Variants in KCNQ5 observed in about 807,000 individuals in gnomAD.
KCNQ5 encodes potassium voltage-gated channel subfamily KQT member 5.
KCNQ5 carries 30 observed loss-of-function variants against 98.2 expected under a neutral mutation model. That is an observed-to-expected ratio of 0.31 (90% CI 0.23 to 0.41). The LOEUF is 0.41. KCNQ5 is among the 10% of genes least tolerant of loss of function. The probability of loss-of-function intolerance (pLI) is 1.00; values close to 1 mark genes in which losing one functional copy is unlikely to be tolerated. For missense variants in KCNQ5, 835 were observed against 1,182.5 expected, an observed-to-expected ratio of 0.71 and a Z score of 4.31; for synonymous variants, 458 against 449.4, an observed-to-expected ratio of 1.02 and a Z score of -0.24.
chr6:72,954,408 G>GATA (rs978116477), intron 1 of KCNQ5, among the ~76,000 whole-genome samples: 57 of 152,340 alleles, frequency 3.7e-4, no homozygotes, highest in African/African-American at 1.3e-3. Flanking sequence ...AGCAGTTTGA[G>GATA]ATAACTAAGG....
At chr6:72,732,590 G>C (rs1261237850) in intron 1 of KCNQ5, among the ~76,000 whole-genome samples, 2 of 152,146 alleles carry the variant, frequency 1.3e-5, no homozygotes, top group African/African-American at 4.8e-5. Flanking sequence ...GAAGCCACTG[G>C]GACTAGATCA....
intron 11 of KCNQ5, among the ~76,000 whole-genome samples, chr6:73,171,809 A>C (rs1361494832): frequency 1.3e-5 from 2 of 152,208 alleles, no homozygotes; most frequent in Non-Finnish European, 1.5e-5. Context: ...CCACGAATTA[A>C]TCTGACTTGC....
At chr6:72,736,523 G>A (rs1770847125) in intron 1 of KCNQ5, among the ~76,000 whole-genome samples, 1 of 66,654 alleles carries the variant, frequency 1.5e-5, no homozygotes, top group Non-Finnish European at 2.3e-5. Flanking sequence ...TTTTTGAGAC[G>A]GAGTCTCGCT....
chr6:72,658,667 G>A (rs1265908971), intron 1 of KCNQ5, among the ~76,000 whole-genome samples: 2 of 144,304 alleles, frequency 1.4e-5, no homozygotes, highest in Non-Finnish European at 3.0e-5. Context: ...TGCAACCTCC[G>A]TCTCTCGGGC....
chr6:72,641,828 A>G (rs1041776045), intron 1 of KCNQ5, among the ~76,000 whole-genome samples: 1 of 152,002 alleles, frequency 6.6e-6, no homozygotes, highest in African/African-American at 2.4e-5. Flanking sequence ...GTTGAAGTGT[A>G]CTGTGTGTGC....
chr6:72,930,381 T>C (rs573090413), intron 1 of KCNQ5, among the ~76,000 whole-genome samples: 110 of 152,220 alleles, frequency 7.2e-4, no homozygotes, highest in Middle Eastern at 3.4e-3. Context: ...ACCTCTTAAT[T>C]CCAGAAAGAC....
At chr6:72,688,842 G>A (rs188574039) in intron 1 of KCNQ5, among the ~76,000 whole-genome samples, 92 of 152,132 alleles carry the variant, frequency 6.0e-4, no homozygotes, top group Middle Eastern at 3.4e-3. Flanking sequence ...AAAATTTTTG[G>A]TCTTTTGGTG....
At chr6:73,079,560 A>G (rs1773681746) in intron 5 of KCNQ5, among the ~76,000 whole-genome samples, 1 of 152,212 alleles carries the variant, frequency 6.6e-6, no homozygotes. Context: ...AGCAGCAATA[A>G]AATGAATAAA....
chr6:73,111,381 A>C lies in KCNQ5; in HGVS notation c.1103A>C (p.Asn368Thr). The change falls in exon 7 of 14, where the codon AAC (asparagine) becomes ACC (threonine). Residue 368 changes from asparagine to threonine, a missense_variant. Transcript: ENST00000370398. Reference protein sequence around the residue: ...HRQKHFEKRRNPAANLIQCVW... With the variant: ...HRQKHFEKRRTPAANLIQCVW... ...CAGAAACACTTTGAGAAAAGAAGGA[A>C]CCCAGCTGCCAACCTCATTCAGGTA... 1.2e-6 allele frequency: 2 copies of C among 1,610,732 alleles called. No individual in the cohort carries two copies. Among genetic ancestry groups the C allele is most frequent in the Non-Finnish European group, 1.7e-6 (2 of 1,178,976 alleles).
chr6:73,069,441 A>G (rs1360453530), intron 3 of KCNQ5, among the ~76,000 whole-genome samples: 1 of 152,172 alleles, frequency 6.6e-6, no homozygotes, highest in Non-Finnish European at 1.5e-5. Flanking sequence ...ATTACTACAA[A>G]CAAATAACTT....
intron 5 of KCNQ5, among the ~76,000 whole-genome samples, chr6:73,088,395 G>A (rs956788767): frequency 6.6e-6 from 1 of 152,130 alleles, no homozygotes; most frequent in Non-Finnish European, 1.5e-5. Context: ...ATTCTCTATT[G>A]AGTTTCCATT....
chr6:72,771,916 G>A (rs1164890009), intron 1 of KCNQ5, among the ~76,000 whole-genome samples: 1 of 151,994 alleles, frequency 6.6e-6, no homozygotes, highest in Admixed American at 6.6e-5. Context: ...CAAGGACCTC[G>A]TGAAGCCCTA....
chr6:73,016,244 T>C (rs1275827483), intron 2 of KCNQ5, among the ~76,000 whole-genome samples: 1 of 151,902 alleles, frequency 6.6e-6, no homozygotes, highest in Non-Finnish European at 1.5e-5. Flanking sequence ...ATGCAAAGAT[T>C]AGGGAAAAGA....
intron 1 of KCNQ5, among the ~76,000 whole-genome samples, chr6:72,898,725 T>C (rs1464572894): frequency 6.6e-6 from 1 of 152,216 alleles, no homozygotes; most frequent in Admixed American, 6.5e-5. Flanking sequence ...TTATTTCTGG[T>C]TCTAGATCCT....
intron 2 of KCNQ5, among the ~76,000 whole-genome samples, chr6:73,026,262 A>G (rs1187405702): frequency 1.3e-5 from 2 of 152,198 alleles, no homozygotes; most frequent in African/African-American, 4.8e-5. Context: ...ACAGTGACCT[A>G]AAAACTATGT....
At chr6:72,973,305 G>GA (rs1209673451) in intron 1 of KCNQ5, among the ~76,000 whole-genome samples, 8 of 1,006 alleles carry the variant, frequency 8.0e-3, no homozygotes, top group Non-Finnish European at 0.013. Context: ...AATTTACTGT[G>GA]AACATAAACT....
At chr6:72,768,710 T>G (rs181868988) in intron 1 of KCNQ5, among the ~76,000 whole-genome samples, 28 of 152,142 alleles carry the variant, frequency 1.8e-4, no homozygotes, top group African/African-American at 6.0e-4. Flanking sequence ...ATCTACTTCA[T>G]GAGAATTAAT....
chr6:72,878,316 A>C (rs935823540), intron 1 of KCNQ5, among the ~76,000 whole-genome samples: 2 of 152,136 alleles, frequency 1.3e-5, no homozygotes, highest in Non-Finnish European at 2.9e-5. Flanking sequence ...TTGCTTTCAT[A>C]TATCTTCTAT....
At chr6:72,801,993 T>C (rs1429949206) in intron 1 of KCNQ5, among the ~76,000 whole-genome samples, 1 of 152,200 alleles carries the variant, frequency 6.6e-6, no homozygotes, top group Non-Finnish European at 1.5e-5. Flanking sequence ...TGCCGAGAGA[T>C]CCGCTGTTAG....
Sources: gnomAD v4.1 joint callset for allele counts (sites outside exome capture counted in the v4.1 genomes callset) on GRCh38, gnomAD v4.1.1 for gene constraint, MANE v1.5 for transcripts, NCBI Gene and HGNC (gene_info 2026-07-23, HGNC 2026-07-21) for gene names.